Variants in CCDC141 observed in about 807,000 individuals in gnomAD.
CCDC141 encodes coiled-coil domain-containing protein 141.
A neutral mutation model predicts 181.0 loss-of-function variants in CCDC141; 168 were observed. The ratio of observed to expected loss-of-function variants is 0.93; its 90% CI spans 0.82 to 1.05. The LOEUF (loss-of-function observed/expected upper bound fraction) is 1.05. Among genes scored for constraint, CCDC141 ranks in the 50% least tolerant of loss-of-function variants. The probability of loss-of-function intolerance (pLI) is 0.00; values close to 1 mark genes in which losing one functional copy is unlikely to be tolerated. For missense variants in CCDC141, 1,902 were observed against 1,788.5 expected, an observed-to-expected ratio of 1.06 and a Z score of -1.14; for synonymous variants, 666 against 642.3, an observed-to-expected ratio of 1.04 and a Z score of -0.56.
At chr2:179,039,567 A>C (rs1223838021) in intron 2 of CCDC141, among the ~76,000 whole-genome samples, 1 of 152,176 alleles carries the variant, frequency 6.6e-6, no homozygotes, top group African/African-American at 2.4e-5. Context: ...AGAGAGACTT[A>C]AGTGTTGTGC....
chr2:178,854,520 T>A (rs967246233), intron 19 of CCDC141, among the ~76,000 whole-genome samples: 2 of 152,020 alleles, frequency 1.3e-5, no homozygotes, highest in African/African-American at 4.8e-5. Flanking sequence ...CGACACTCCA[T>A]CTCAAAAATA....
At chr2:179,015,374 T>TACATATCTCATATATGTATC (rs1280024321) in intron 2 of CCDC141, among the ~76,000 whole-genome samples, 1,923 of 124,198 alleles carry the variant, frequency 0.015, 162 homozygotes, top group Admixed American at 0.03. Context: ...ATATGTATCA[T>TACATATCTCATATATGTATC]ATATATCTCA....
chr2:179,044,827 C>T (rs530539314), intron 2 of CCDC141, among the ~76,000 whole-genome samples: 11 of 152,236 alleles, frequency 7.2e-5, no homozygotes, highest in African/African-American at 1.4e-4. Context: ...ATTGGGGATT[C>T]GTGACAAGTT....
At chr2:178,948,127 C>A in intron 5 of CCDC141, among the ~76,000 whole-genome samples, 1 of 151,552 alleles carries the variant, frequency 6.6e-6, no homozygotes, top group Non-Finnish European at 1.5e-5. Flanking sequence ...CCTGAACCTG[C>A]AAAGTTGAGG....
At chr2:178,838,265 C>A (rs1684574129) in intron 22 of CCDC141, among the ~76,000 whole-genome samples, 2 of 152,192 alleles carry the variant, frequency 1.3e-5, no homozygotes, top group African/African-American at 4.8e-5. Flanking sequence ...AAATGTACCA[C>A]TTCAACCATG....
chr2:178,996,394 A>G (rs925249469), intron 2 of CCDC141, among the ~76,000 whole-genome samples: 1 of 152,156 alleles, frequency 6.6e-6, no homozygotes, highest in African/African-American at 2.4e-5. Context: ...GGAAAATTCT[A>G]TGGCAGTGAT....
chr2:178,824,251 G>C, the CCDC141 span, among the ~76,000 whole-genome samples: 1 of 152,146 alleles, frequency 6.6e-6, no homozygotes, highest in Non-Finnish European at 1.5e-5. Context: ...TTCTCTACGA[G>C]ATGGTATCAT....
At chr2:178,965,230 G>T (rs907615263) in intron 4 of CCDC141, among the ~76,000 whole-genome samples, 1 of 152,154 alleles carries the variant, frequency 6.6e-6, no homozygotes, top group African/African-American at 2.4e-5. Context: ...TAATTAACAG[G>T]TATTTTCAAA....
At chr2:179,015,103 TAATATATATATAATCA>T (rs2042415448) in intron 2 of CCDC141, among the ~76,000 whole-genome samples, 1 of 28,212 alleles carries the variant, frequency 3.5e-5, no homozygotes, top group Non-Finnish European at 9.5e-5. Context: ...TATATATATA[TAATATATATATAATCA>T]TATATATATA....
chr2:178,948,568 C>T (rs879539367), intron 5 of CCDC141, among the ~76,000 whole-genome samples: 2 of 152,006 alleles, frequency 1.3e-5, no homozygotes, highest in African/African-American at 2.4e-5. Context: ...GATGTGTGTC[C>T]CCTCTAAACC....
chr2:178,870,231 CAAAAAAAA>C (rs34625707), intron 14 of CCDC141, among the ~76,000 whole-genome samples: 2 of 60,296 alleles, frequency 3.3e-5, no homozygotes, highest in African/African-American at 5.9e-5. Flanking sequence ...GACTCTGTCT[CAAAAAAAA>C]AAAAAAAAAA....
At chr2:178,874,850 A>G (rs986332349) in intron 12 of CCDC141, 1 of 152,220 alleles carries the variant, frequency 6.6e-6, no homozygotes, top group African/African-American at 2.4e-5. Flanking sequence ...ATGATCTTCT[A>G]AAGACGTTGA....
At position 178,832,465 on chromosome 2, in the gene CCDC141, C is replaced by CAAAAAAAAAAAAAAAAAAAAAAAAAAAAA. The variant is rs59389117; in HGVS notation, c.*1707_*1708insTTTTTTTTTTTTTTTTTTTTTTTTTTTTT. On this transcript the variant is annotated 3_prime_UTR_variant, in exon 24 of 24. Transcript: ENST00000443758. Reference sequence around the variant, plus strand: ...TGGGCAAGAGAGCAAGACTCTTTCTCAAAAAAAAAAAAAAAAAACAAAAAA... The same window carrying CAAAAAAAAAAAAAAAAAAAAAAAAAAAAA: ...TGGGCAAGAGAGCAAGACTCTTTCTCAAAAAAAAAAAAAAAAAAAAAAAAAAAAAAAAAAAAAAAAAAAAAAACAAAAAA... The CAAAAAAAAAAAAAAAAAAAAAAAAAAAAA allele has an allele frequency of 1.4e-5, 1 of 68,982 alleles. No homozygotes were observed. The highest frequency in any genetic ancestry group is 2.9e-5 in the Non-Finnish European group (1 of 33,962). The allele number at this position is 68,982 out of a possible 1,614,324, so 4.3% of individuals were successfully genotyped here.
chr2:178,974,415 A>C (rs1046837396), intron 4 of CCDC141, among the ~76,000 whole-genome samples: 1 of 152,178 alleles, frequency 6.6e-6, no homozygotes. Context: ...GGTAACTACT[A>C]CTTTTCCACA....
chr2:178,872,730 C>T (rs2154369303), intron 12 of CCDC141, among the ~76,000 whole-genome samples: 1 of 152,214 alleles, frequency 6.6e-6, no homozygotes, highest in Middle Eastern at 3.4e-3. Context: ...TAGGAGGGGA[C>T]GGATTGTTCT....
rs1401931866 is a variant in CCDC141, at chr2:178,830,811, G to A, written c.*3362C>T. ...CTCAGCAGAACTGGAACATAAGCAA[G>A]AGTTAAGTCACATGAAGATAGGGTG... On this transcript the variant is annotated 3_prime_UTR_variant, in exon 24 of 24. Transcript: ENST00000443758. The A allele has an allele frequency of 6.6e-6, 1 of 152,328 alleles. No homozygotes were observed. Among genetic ancestry groups the A allele is most frequent in the Non-Finnish European group, 1.5e-5 (1 of 68,166 alleles). 9.4% of individuals were successfully genotyped at this position (152,328 alleles called of 1,614,324 possible).
At chr2:178,989,610 AAATAAAT>A (rs1559032023) in intron 2 of CCDC141, among the ~76,000 whole-genome samples, 6 of 131,180 alleles carry the variant, frequency 4.6e-5, no homozygotes, top group African/African-American at 2.1e-4. Flanking sequence ...AAAAAAAAAT[AAATAAAT>A]AAATAAATAA....
chr2:179,014,800 G>A lies in CCDC141; in HGVS notation c.225+32484C>T, dbSNP rs142628160. ...ATGTTGGCATGGATGCGGCAACCAGGGAACACTTCTACGCTGCTGGTGGGA... is the reference window on the plus strand; with the variant it reads ...ATGTTGGCATGGATGCGGCAACCAGAGAACACTTCTACGCTGCTGGTGGGA... On this transcript the variant is annotated intron_variant, in intron 2 of 23. Coordinates refer to ENST00000443758, the MANE Select transcript of CCDC141 (RefSeq NM_173648.4). Among the ~76,000 whole-genome samples, 1,202 of 151,848 alleles carry A rather than the reference G, an allele frequency of 7.9e-3. 17 individuals carry two copies. Among genetic ancestry groups the A allele is most frequent in the African/African-American group, 0.027 (1,102 of 41,366 alleles).
intron 2 of CCDC141, among the ~76,000 whole-genome samples, chr2:179,006,195 C>T (rs1217508531): frequency 6.6e-6 from 1 of 152,210 alleles, no homozygotes; most frequent in Non-Finnish European, 1.5e-5. Flanking sequence ...CCAGCTTGTT[C>T]ATTTGCATTT....
Sources: gnomAD v4.1 joint callset for allele counts (sites outside exome capture counted in the v4.1 genomes callset) on GRCh38, gnomAD v4.1.1 for gene constraint, MANE v1.5 for transcripts, NCBI Gene and HGNC (gene_info 2026-07-23, HGNC 2026-07-21) for gene names.